The following DCBLD1 variants were observed in gnomAD, a reference collection of about 807,000 sequenced individuals.
DCBLD1 encodes the protein discoidin, CUB and LCCL domain-containing protein 1.
Under a neutral mutation model 71.5 loss-of-function variants are expected in DCBLD1, and 57 were observed. The ratio of observed to expected loss-of-function variants is 0.80; its 90% CI spans 0.64 to 0.99. The LOEUF is 0.99. DCBLD1 is among the 50% of genes least tolerant of loss of function. The pLI is 0.00. For missense variants in DCBLD1, 891 were observed against 923.5 expected (o/e 0.96, Z 0.46); for synonymous variants, 380 against 363.8 (o/e 1.04, Z -0.51).
At chr6:117,513,700 A>G (rs1257722676) in intron 2 of DCBLD1, among the ~76,000 whole-genome samples, 3 of 152,184 alleles carry the variant, frequency 2.0e-5, no homozygotes, top group Admixed American at 6.5e-5. Flanking sequence ...CATCCATGCA[A>G]AACTGTGCAT....
downstream of DCBLD1, among the ~76,000 whole-genome samples, chr6:117,551,012 A>G (rs1021697045): frequency 1.3e-5 from 2 of 152,148 alleles, no homozygotes; most frequent in African/African-American, 2.4e-5. Flanking sequence ...CAGTCACCCC[A>G]TGCCACATTG....
chr6:117,503,539 G>A (rs1054857524), intron 1 of DCBLD1: 8 of 550,334 alleles, frequency 1.5e-5, no homozygotes, highest in African/African-American at 5.7e-5. Context: ...CCGTTCTAAT[G>A]TGTGAAATGT....
intron 2 of DCBLD1, among the ~76,000 whole-genome samples, chr6:117,505,067 T>C (rs537183050): frequency 2.6e-5 from 4 of 152,254 alleles, no homozygotes; most frequent in African/African-American, 9.6e-5. Context: ...GATAAAAAGA[T>C]CTAAGATTGT....
At chr6:117,519,777 T>C in intron 2 of DCBLD1, 39 bp from the exon 3 acceptor site, 4 of 1,589,572 alleles carry the variant, frequency 2.5e-6, no homozygotes, top group Non-Finnish European at 3.4e-6. Context: ...TGTGCTGGTA[T>C]AAATTTTGAA....
At chr6:117,537,637 C>T (rs176803) in intron 7 of DCBLD1, among the ~76,000 whole-genome samples, 102,840 of 110,898 alleles carry the variant, frequency 0.93, 47,394 homozygotes, top group East Asian at 0.96. Flanking sequence ...TTTTTTTTTT[C>T]CTTTTTTCTC....
intron 11 of DCBLD1, among the ~76,000 whole-genome samples, chr6:117,542,383 T>C (rs1779128127): frequency 6.6e-6 from 1 of 152,192 alleles, no homozygotes; most frequent in African/African-American, 2.4e-5. Flanking sequence ...TTTCCCCTTC[T>C]TCATGAATTG....
chr6:117,530,083 G>A (rs1048904457), intron 5 of DCBLD1, among the ~76,000 whole-genome samples: 1 of 152,158 alleles, frequency 6.6e-6, no homozygotes, highest in African/African-American at 2.4e-5. Flanking sequence ...CAAGGACAGT[G>A]GGAATAGCTG....
Position 117,540,806 on chromosome 6 carries a change from A to G in DCBLD1, c.1240A>G (p.Ile414Val), listed in dbSNP as rs1178390943. 6.2e-7 allele frequency: 1 copy of G among 1,614,104 alleles called. No individual in the cohort carries two copies. The highest frequency in any genetic ancestry group is 8.5e-7 in the Non-Finnish European group (1 of 1,180,052). ...GAAGGTGGAGCTCATTGGTTGCCAG[A>G]TTACACAAGGTAGGGCTCAGGGCAA... The part of the protein sequence containing the change: ...ALKVELIGCQ[I>V]TQGNDSLVWR... The change falls in exon 10 of 15, where the codon ATT becomes GTT. Residue 414 changes from isoleucine (I) to valine (V), a missense_variant. Ile to Val is a conservative substitution (Grantham distance 29). Transcript: ENST00000338728.
chr6:117,492,065 T>C (rs879716491), intron 1 of DCBLD1, among the ~76,000 whole-genome samples: 4 of 152,220 alleles, frequency 2.6e-5, no homozygotes, highest in African/African-American at 9.6e-5. Flanking sequence ...TAGGAAGTGA[T>C]ACATCGATCT....
At chr6:117,558,907 G>C (rs570578573) in intron 14 of DCBLD1, among the ~76,000 whole-genome samples, 1 of 152,106 alleles carries the variant, frequency 6.6e-6, no homozygotes, top group Non-Finnish European at 1.5e-5. Flanking sequence ...TACCAGCAAG[G>C]GGATAATGGG....
chr6:117,522,875 G>A (rs181534177), intron 4 of DCBLD1, among the ~76,000 whole-genome samples: 23 of 152,258 alleles, frequency 1.5e-4, no homozygotes, highest in African/African-American at 5.3e-4. Context: ...CTTGCTGAGG[G>A]CTACACACCT....
intron 4 of DCBLD1, among the ~76,000 whole-genome samples, chr6:117,522,451 T>C (rs946833795): frequency 1.4e-4 from 21 of 152,006 alleles, no homozygotes; most frequent in African/African-American, 4.8e-4. Context: ...TTTTTTTTTC[T>C]CTTTTTATGA....
chr6:117,525,317 T>C, intron 4 of DCBLD1, 45 bp from the exon 5 acceptor site: 1 of 1,360,900 alleles, frequency 7.3e-7, no homozygotes, highest in South Asian at 2.0e-5. Context: ...TTTTTTTGGT[T>C]GTGTAATTTA....
chr6:117,550,516 A>C (rs924327972), downstream of DCBLD1, among the ~76,000 whole-genome samples: 3 of 152,208 alleles, frequency 2.0e-5, no homozygotes, highest in African/African-American at 7.2e-5. Flanking sequence ...CGGTTGAAAC[A>C]CATTTGCTAT....
chr6:117,537,222 A>C lies in DCBLD1; in HGVS notation c.757A>C (p.Asn253His). ...AGACAAGCGATTTCTGTTTACCTCC[A>C]ATGGTAAGGATCATGCTTTCCTTAA... ...LSDKRFLFTS[N>H]GCSRSLSFEP... The change falls in exon 7 of 15, where the codon AAT (asparagine) becomes CAT (histidine). Residue 253 changes from asparagine (N) to histidine (H), a missense_variant. By Grantham distance (68) the Asn-to-His change is moderately conservative. Transcript: ENST00000338728. The C allele has an allele frequency of 6.2e-7, 1 of 1,613,692 alleles. No individual in the cohort carries two copies. Among genetic ancestry groups the C allele is most frequent in the Non-Finnish European group, 8.5e-7 (1 of 1,179,760 alleles).
At chr6:117,505,712 ATCC>A (rs1405496919) in intron 2 of DCBLD1, among the ~76,000 whole-genome samples, 2 of 152,148 alleles carry the variant, frequency 1.3e-5, no homozygotes, top group South Asian at 2.1e-4. Flanking sequence ...TATGCCTGTA[ATCC>A]TAACACTGGG....
chr6:117,514,854 A>G (rs1471678912), intron 2 of DCBLD1, among the ~76,000 whole-genome samples: 2 of 152,122 alleles, frequency 1.3e-5, no homozygotes, highest in African/African-American at 4.8e-5. Context: ...AGGAAATCAT[A>G]TATATTGCAC....
chr6:117,549,629 A>AT lies in DCBLD1; in HGVS notation c.*1193dup. The AT allele has an allele frequency of 1.0e-6, 1 of 985,238 alleles. No individual in the cohort carries two copies. The highest frequency in any genetic ancestry group is 1.2e-6 in the Non-Finnish European group (1 of 829,910). The allele number at this position is 985,238 out of a possible 1,614,324, so 61.0% of individuals were successfully genotyped here. On this transcript the variant is annotated 3_prime_UTR_variant, in exon 15 of 15. Coordinates refer to ENST00000338728, the MANE Select transcript of DCBLD1 (RefSeq NM_001366458.2). ...TCCCTGAAGAATGTATTATAACCCT[A>AT]TTTGTGTGGTTATTACATCCTGTGA...
At chr6:117,567,074 A>T (rs1229659458) in intron 14 of DCBLD1, 1 of 1,451,372 alleles carries the variant, frequency 6.9e-7, no homozygotes, top group East Asian at 2.4e-5. Flanking sequence ...AAGTTATTGT[A>T]ATTGTAATTT....
Sources: gnomAD v4.1 joint callset for allele counts (sites outside exome capture counted in the v4.1 genomes callset) on GRCh38, gnomAD v4.1.1 for gene constraint, MANE v1.5 for transcripts, NCBI Gene and HGNC (gene_info 2026-07-23, HGNC 2026-07-21) for gene names.